GLI2: variants seen among roughly 807,000 people sequenced by gnomAD.
GLI2 encodes the protein transcription activator GLI2.
GLI2 carries 22 observed loss-of-function variants against 78.9 expected under a neutral mutation model. The observed-to-expected ratio is 0.28, with a 90% CI of 0.20 to 0.40. The LOEUF (loss-of-function observed/expected upper bound fraction) is 0.40, where lower values mean the gene tolerates loss of function less well. Ranked by LOEUF, GLI2 falls within the 10% of genes least tolerant of loss-of-function variation. GLI2 has a pLI of 1.00. For missense variants in GLI2, 2,097 were observed against 2,213.2 expected, an observed-to-expected ratio of 0.95 and a Z score of 1.05; for synonymous variants, 974 against 963.7, an observed-to-expected ratio of 1.01 and a Z score of -0.20.
At chr2:120,947,658 A>G (rs999420875) in intron 3 of GLI2, among the ~76,000 whole-genome samples, 1 of 152,144 alleles carries the variant, frequency 6.6e-6, no homozygotes, top group Non-Finnish European at 1.5e-5. Flanking sequence ...TAATGCATAT[A>G]AACCCCCTAC....
intron 2 of GLI2, among the ~76,000 whole-genome samples, chr2:120,877,506 CT>C (rs1558850861): frequency 6.6e-6 from 1 of 152,192 alleles, no homozygotes; most frequent in Non-Finnish European, 1.5e-5. Flanking sequence ...CGAAGCCCCC[CT>C]GTGCCCACTC....
At chr2:120,974,844 A>C in intron 8 of GLI2, 131 bp from the exon 9 acceptor site, 1 of 1,237,262 alleles carries the variant, frequency 8.1e-7, no homozygotes, top group East Asian at 2.3e-5. Flanking sequence ...CACCTGTAAC[A>C]CACACACTTG....
chr2:120,768,281 G>A (rs77767006), intron 1 of GLI2, among the ~76,000 whole-genome samples: 1 of 152,044 alleles, frequency 6.6e-6, no homozygotes, highest in African/African-American at 2.4e-5. Context: ...ACTTATCCCC[G>A]TCTCAGAGGA....
intron 3 of GLI2, among the ~76,000 whole-genome samples, chr2:120,942,810 ACTCATTCG>A (rs1323238897): frequency 0.01 from 1,509 of 150,574 alleles, 27 homozygotes; most frequent in African/African-American, 0.036. Context: ...TCATTCATTC[ACTCATTCG>A]TTCACGCCCT....
intron 1 of GLI2, among the ~76,000 whole-genome samples, chr2:120,785,482 G>A (rs1244414667): frequency 6.6e-6 from 1 of 152,188 alleles, no homozygotes; most frequent in Non-Finnish European, 1.5e-5. Flanking sequence ...GGGAGGTGTG[G>A]GGAGGGCTGC....
chr2:120,937,738 A>G (rs994427540), intron 3 of GLI2, among the ~76,000 whole-genome samples: 1 of 152,192 alleles, frequency 6.6e-6, no homozygotes, highest in Non-Finnish European at 1.5e-5. Context: ...AATCAGCAGC[A>G]CACCCACCTC....
At chr2:120,929,115 G>C (rs1679828933) in intron 3 of GLI2, among the ~76,000 whole-genome samples, 1 of 152,170 alleles carries the variant, frequency 6.6e-6, no homozygotes, top group African/African-American at 2.4e-5. Context: ...CTCTGGGTTT[G>C]GGTTTGCCTG....
intron 2 of GLI2, among the ~76,000 whole-genome samples, chr2:120,922,732 A>G (rs1437696364): frequency 6.6e-6 from 1 of 152,128 alleles, no homozygotes; most frequent in Non-Finnish European, 1.5e-5. Context: ...GGACAGGAGG[A>G]CCCACTAACA....
In GLI2 at chr2:120,811,181, G is replaced by A. The variant is rs1036675307; in HGVS notation, c.148+13713G>A. ...CTGGTCAAGCCAAATACCAGTGTCC[G>A]CCTCCCTGAAGCCAGATGGCAGGAG... On this transcript the variant is annotated intron_variant, in intron 2 of 13. Coordinates refer to ENST00000361492, the MANE Select transcript of GLI2 (RefSeq NM_001374353.1). 4.6e-5 allele frequency among the ~76,000 whole-genome samples: 7 copies of A among 152,190 alleles called. No individual in the cohort carries two copies. In the East Asian group the frequency reaches 7.7e-4, roughly 17 times the overall value.
intron 2 of GLI2, among the ~76,000 whole-genome samples, chr2:120,917,807 A>C (rs1679174774): frequency 6.6e-6 from 1 of 152,166 alleles, no homozygotes; most frequent in Non-Finnish European, 1.5e-5. Flanking sequence ...CGGAATTCAC[A>C]ATAGTGTTCA....
In GLI2 at chr2:120,989,646, T is replaced by G. The variant is rs1683189066; in HGVS notation, c.3681T>G (p.His1227Gln). The G allele has an allele frequency of 6.2e-7, 1 of 1,613,252 alleles. No homozygotes were observed. Among genetic ancestry groups the G allele is most frequent in the Admixed American group, 1.7e-5 (1 of 59,994 alleles). ...GCATGACTACCACTATGAGCCCCCATGCCTGCTATGGCCAAGTCCACCCCC... is the reference window on the plus strand; with the variant it reads ...GCATGACTACCACTATGAGCCCCCAGGCCTGCTATGGCCAAGTCCACCCCC... ...CPGMTTTMSP[H>Q]ACYGQVHPQL... Residue 1227 changes from histidine to glutamine, a missense_variant, in exon 14 of 14, where the codon CAT becomes CAG. Coordinates refer to ENST00000361492, the MANE Select transcript of GLI2 (RefSeq NM_001374353.1).
intron 2 of GLI2, among the ~76,000 whole-genome samples, chr2:120,842,911 T>C (rs1229467164): frequency 6.6e-6 from 1 of 152,230 alleles, no homozygotes; most frequent in Non-Finnish European, 1.5e-5. Flanking sequence ...ATACATTCCA[T>C]GAGAGCTGCT....
At position 120,941,168 on chromosome 2, in the gene GLI2, G is replaced by A. The variant is rs548349557; in HGVS notation, c.255-10075G>A. Among the ~76,000 whole-genome samples, 5 of 152,384 alleles carry A rather than the reference G, an allele frequency of 3.3e-5. No individual in the cohort carries two copies. In the East Asian group the frequency reaches 9.6e-4, roughly 29 times the overall value. ...AGACTGCCACCAGACACACAGGAGA[G>A]TGCAGATTGATAAAAGACATGGACT... On this transcript the variant is annotated intron_variant, in intron 3 of 13. Coordinates refer to ENST00000361492, the MANE Select transcript of GLI2 (RefSeq NM_001374353.1).
chr2:120,736,066 G>C lies in GLI2; in HGVS notation c.-250G>C, dbSNP rs1682341225. Among the ~76,000 whole-genome samples the C allele has an allele frequency of 6.6e-6, 1 of 151,158 alleles. No individual in the cohort carries two copies. The highest frequency in any genetic ancestry group is 2.1e-4 in the South Asian group (1 of 4,782). On this transcript the variant is annotated 5_prime_UTR_variant, in exon 1 of 14. Transcript: ENST00000361492. The stretch of plus-strand genomic sequence containing the variant: ...GGGCCGCGCGGCGCGCCGCAGCCTC[G>C]GGGAGCCGCCTGCTCGCCGGCGGTA...
intron 2 of GLI2, among the ~76,000 whole-genome samples, chr2:120,802,151 C>G (rs1684735787): frequency 6.6e-6 from 1 of 152,198 alleles, no homozygotes; most frequent in South Asian, 2.1e-4. Context: ...CGACTGGCCT[C>G]TGTTGCCTGA....
At chr2:120,927,569 G>T in intron 3 of GLI2, 103 bp downstream of exon 3, 1 of 814,124 alleles carries the variant, frequency 1.2e-6, no homozygotes. Context: ...TCTTTCTTTT[G>T]GGGGTTCCTG....
In GLI2 at chr2:120,877,555, C is replaced by T. The variant is rs148216511; in HGVS notation, c.149-49806C>T. ...CACCACTCCCCCATTTTGGGACAAC[C>T]ATACTTCTGACTTCTGAGAGCATAG... On this transcript the variant is annotated intron_variant, in intron 2 of 13. Coordinates refer to ENST00000361492, the MANE Select transcript of GLI2 (RefSeq NM_001374353.1). Among the ~76,000 whole-genome samples, 235 of 152,282 alleles carry T rather than the reference C, an allele frequency of 1.5e-3. 2 individuals are homozygous for T. Among genetic ancestry groups the T allele is most frequent in the Admixed American group, 5.7e-3 (87 of 15,294 alleles).
At chr2:120,752,024 C>T (rs1232887970) in intron 1 of GLI2, among the ~76,000 whole-genome samples, 1 of 152,256 alleles carries the variant, frequency 6.6e-6, no homozygotes, top group East Asian at 1.9e-4. Flanking sequence ...TGAGTGAGCA[C>T]GACCCCCACT....
intron 2 of GLI2, among the ~76,000 whole-genome samples, chr2:120,849,397 A>G (rs1687293658): frequency 6.6e-6 from 1 of 152,212 alleles, no homozygotes; most frequent in African/African-American, 2.4e-5. Flanking sequence ...TCAACCTCCC[A>G]TATAGAATGA....
Sources: gnomAD v4.1 joint callset for allele counts (sites outside exome capture counted in the v4.1 genomes callset) on GRCh38, gnomAD v4.1.1 for gene constraint, MANE v1.5 for transcripts, NCBI Gene and HGNC (gene_info 2026-07-23, HGNC 2026-07-21) for gene names.